The following PLK4 variants were observed in gnomAD, a reference collection of about 807,000 sequenced individuals.
PLK4 encodes the protein polo like kinase 4.
Under a neutral mutation model 103.0 loss-of-function variants are expected in PLK4, and 51 were observed. The observed-to-expected ratio is 0.50, with a 90% CI of 0.40 to 0.63. The LOEUF (loss-of-function observed/expected upper bound fraction) is 0.63. Ranked by LOEUF, PLK4 falls within the 20% of genes least tolerant of loss-of-function variation. PLK4 has a pLI of 0.00. For synonymous variants in PLK4, 389 were observed against 376.8 expected, an observed-to-expected ratio of 1.03 and a Z score of -0.38; for missense variants, 1,054 against 1,151.0, an observed-to-expected ratio of 0.92 and a Z score of 1.22.
chr4:127,885,656 G>A (rs1421832962), intron 4 of PLK4, 52 bp from the exon 5 acceptor site: 14 of 1,381,784 alleles, frequency 1.0e-5, no homozygotes, highest in Non-Finnish European at 1.4e-5. Context: ...ACTAGATACT[G>A]AATCTTCCAG....
intron 1 of PLK4, 164 bp downstream of exon 1, chr4:127,881,328 G>C: frequency 6.8e-7 from 1 of 1,476,666 alleles, no homozygotes; most frequent in Non-Finnish European, 9.0e-7. Context: ...TAGGGGCGGA[G>C]CGGCCCGCCC....
chr4:127,885,597 A>T, intron 4 of PLK4, 111 bp from the exon 5 acceptor site: 2 of 807,330 alleles, frequency 2.5e-6, no homozygotes, highest in African/African-American at 1.7e-5. Context: ...CCACTGTTCT[A>T]CTACAGTGCT....
chr4:127,883,422 G>T lies in PLK4; in HGVS notation c.223-17G>T. ...ATTTTTGTATATTTTAATTTATTAT[G>T]CCCTTTCACATTTCAGCTTTATAAC... is the stretch of plus-strand genomic sequence containing the variant. On this transcript the variant is annotated splice_polypyrimidine_tract_variant and intron_variant, in intron 3 of 15. Transcript: ENST00000270861. 7.2e-7 allele frequency: 1 copy of T among 1,393,842 alleles called. No homozygotes were observed. The highest frequency in any genetic ancestry group is 1.0e-6 in the Non-Finnish European group (1 of 984,238). The allele number at this position is 1,393,842 out of a possible 1,614,324, so 86.3% of individuals were successfully genotyped here. A position where few individuals can be genotyped will look rare whatever the true frequency, so the allele number is the denominator to read the frequency against.
chr4:127,884,544 C>T (rs1306996775), intron 4 of PLK4, among the ~76,000 whole-genome samples: 1 of 152,220 alleles, frequency 6.6e-6, no homozygotes, highest in Non-Finnish European at 1.5e-5. Context: ...TGGCTCACGC[C>T]TGTAATCCCA....
Position 127,893,249 on chromosome 4 carries a change from G to A in PLK4, c.2189-36G>A, listed in dbSNP as rs72616963. On this transcript the variant is annotated intron_variant, in intron 10 of 15. Coordinates refer to ENST00000270861, the MANE Select transcript of PLK4 (RefSeq NM_014264.5). ...ATAAATCTAGGAATATTTTTAAAAAGGATAAGAGAACAGTTTTCTGATTTT... is the reference window on the plus strand; with the variant it reads ...ATAAATCTAGGAATATTTTTAAAAAAGATAAGAGAACAGTTTTCTGATTTT... 0.026 allele frequency: 34,395 copies of A among 1,314,470 alleles called. 2,265 individuals carry two copies. The East Asian group carries it at 0.28, about 11-fold the overall frequency. 81.4% of individuals were successfully genotyped at this position (1,314,470 alleles called of 1,614,324 possible).
At chr4:127,891,306 G>A in intron 8 of PLK4, 110 bp downstream of exon 8, 1 of 534,230 alleles carries the variant, frequency 1.9e-6, no homozygotes, top group Non-Finnish European at 3.3e-6. Flanking sequence ...CAGTTTGCCA[G>A]TATGATAGTG....
At chr4:127,888,619 A>G (rs16997978) in intron 6 of PLK4, among the ~76,000 whole-genome samples, 4,630 of 152,286 alleles carry the variant, frequency 0.03, 304 homozygotes, top group East Asian at 0.26. Context: ...TAAAACCTAA[A>G]TATTTTTAAA....
intron 14 of PLK4, 45 bp from the exon 15 acceptor site, chr4:127,896,750 GTTTTTT>G (rs35646358): frequency 2.4e-6 from 2 of 822,076 alleles, no homozygotes; most frequent in Non-Finnish European, 3.8e-6. Flanking sequence ...TACTACTGCT[GTTTTTT>G]TTTTTTTCTG....
chr4:127,898,781 C>T lies in PLK4; in HGVS notation c.*240C>T. The T allele has an allele frequency of 2.9e-6, 1 of 342,154 alleles. No individual in the cohort carries two copies. Among genetic ancestry groups the T allele is most frequent in the Non-Finnish European group, 5.2e-6 (1 of 190,846 alleles). The allele number at this position is 342,154 out of a possible 1,614,324, so 21.2% of individuals were successfully genotyped here. Reference sequence around the variant, plus strand: ...TTGCTCTTAGACCATAACCCCCGAACTTACTATGTTCATATATTTGTATTG... The same window carrying T: ...TTGCTCTTAGACCATAACCCCCGAATTTACTATGTTCATATATTTGTATTG... On this transcript the variant is annotated 3_prime_UTR_variant, in exon 16 of 16. Transcript: ENST00000270861.
intron 6 of PLK4, among the ~76,000 whole-genome samples, chr4:127,888,324 G>A (rs917403078): frequency 6.6e-6 from 1 of 150,712 alleles, no homozygotes; most frequent in Non-Finnish European, 1.5e-5. Flanking sequence ...AAAAACATGA[G>A]GAAGATACTG....
chr4:127,896,884 C>T lies in PLK4; in HGVS notation c.2787C>T (p.Thr929=). The change falls in exon 15 of 16, where the codon ACC becomes ACT. Residue 929 remains threonine, a synonymous_variant. Transcript: ENST00000270861. The part of the protein sequence containing the change: ...VQAGVSSISY[T]SPNGQTTRYG... ...CAGGAGTGTCTTCTATCAGTTATAC[C>T]TCACCAAATGGTCAAACAACTAGGT... The T allele has an allele frequency of 6.2e-7, 1 of 1,604,838 alleles. No individual in the cohort carries two copies. The highest frequency in any genetic ancestry group is 1.1e-5 in the South Asian group (1 of 90,672).
intron 15 of PLK4, among the ~76,000 whole-genome samples, chr4:127,897,256 A>G (rs1735604631): frequency 6.6e-6 from 1 of 152,228 alleles, no homozygotes; most frequent in Non-Finnish European, 1.5e-5. Context: ...AACAGAAAAA[A>G]GAAATCTTTA....
At chr4:127,881,767 G>T (rs912318797) in intron 1 of PLK4, 64 bp from the exon 2 acceptor site, 12 of 971,072 alleles carry the variant, frequency 1.2e-5, no homozygotes, top group Admixed American at 3.7e-5. Context: ...TCTTTTTCCA[G>T]CCCCTTCCCA....
At chr4:127,890,313 C>A in intron 7 of PLK4, 77 bp downstream of exon 7, 1 of 1,180,536 alleles carries the variant, frequency 8.5e-7, no homozygotes, top group East Asian at 2.4e-5. Flanking sequence ...ATTTTTTAGT[C>A]CTCTGTAATG....
At position 127,887,461 on chromosome 4, in the gene PLK4, C is replaced by T; in HGVS notation, c.1424C>T (p.Thr475Ile). Reference sequence around the variant, plus strand: ...GCAGACCCGACACCTCAGACTGAAACCGTACAACAGTGGTTTGGGAATCTG... The same window carrying T: ...GCAGACCCGACACCTCAGACTGAAATCGTACAACAGTGGTTTGGGAATCTG... ...PFADPTPQTE[T>I]VQQWFGNLQI... is the part of the protein sequence containing the mutation. Residue 475 changes from threonine to isoleucine, a missense_variant, in exon 6 of 16, where the codon ACC (threonine) becomes ATC (isoleucine). Around this residue, in one of 4 missense-constraint regions of PLK4, gnomAD observed 680 missense variants for 660.3 expected, o/e 1.03. Transcript: ENST00000270861. The T allele has an allele frequency of 4.3e-6, 7 of 1,609,634 alleles. No homozygotes were observed. The highest frequency in any genetic ancestry group is 1.3e-5 in the African/African-American group (1 of 74,874).
At chr4:127,881,580 A>T (rs544933146) in intron 1 of PLK4, among the ~76,000 whole-genome samples, 2 of 152,218 alleles carry the variant, frequency 1.3e-5, no homozygotes, top group South Asian at 2.1e-4. Context: ...CTTAGGCTGC[A>T]CTGAGGTTGA....
Position 127,881,037 on chromosome 4 carries a change from C to T in PLK4, c.-98C>T, listed in dbSNP as rs1734895384. ...GGAGCGGCGGTTTAGAGAGCCGAGC[C>T]TGATGGGCGCCAAGGCCGGCTGGCT... On this transcript the variant is annotated 5_prime_UTR_variant, in exon 1 of 16. Transcript: ENST00000270861. The T allele has an allele frequency of 1.6e-5, 23 of 1,411,780 alleles. No individual in the cohort carries two copies. Among genetic ancestry groups the T allele is most frequent in the Non-Finnish European group, 2.3e-5 (23 of 1,003,776 alleles). The allele number at this position is 1,411,780 out of a possible 1,614,324, so 87.5% of individuals were successfully genotyped here. A position where few individuals can be genotyped will look rare whatever the true frequency, so the allele number is the denominator to read the frequency against.
chr4:127,893,631 T>C, intron 12 of PLK4, 27 bp downstream of exon 12: 1 of 1,583,578 alleles, frequency 6.3e-7, no homozygotes, highest in Non-Finnish European at 8.6e-7. Flanking sequence ...TTTAAACATA[T>C]GGCTAAAATG....
chr4:127,894,133 T>C (rs1242004040), intron 13 of PLK4, among the ~76,000 whole-genome samples: 2 of 152,206 alleles, frequency 1.3e-5, no homozygotes, highest in Admixed American at 6.5e-5. Context: ...TAACTTTATA[T>C]GTGTAAGTCT....
Sources: allele counts gnomAD v4.1 joint callset (sites outside exome capture counted in the v4.1 genomes callset), GRCh38; gene constraint gnomAD v4.1.1; regional missense constraint gnomAD v4.1.1; transcripts MANE v1.5; gene names NCBI Gene and HGNC (gene_info 2026-07-23, HGNC 2026-07-21).